Variants in PKHD1 observed in about 807,000 individuals in gnomAD.
PKHD1 encodes fibrocystin.
In PKHD1, 291 loss-of-function variants were observed where a neutral mutation model predicts 412.0. The ratio of observed to expected loss-of-function variants is 0.71; its 90% CI spans 0.64 to 0.78. PKHD1 has a LOEUF of 0.78. PKHD1 is among the 30% of genes least tolerant of loss of function. PKHD1 has a pLI of 0.00. For synonymous variants in PKHD1, 1,777 were observed against 1,821.5 expected, an observed-to-expected ratio of 0.98 and a Z score of 0.62; for missense variants, 4,825 against 4,950.7, an observed-to-expected ratio of 0.97 and a Z score of 0.76.
At chr6:51,981,354 T>G (rs1297126753) in intron 35 of PKHD1, among the ~76,000 whole-genome samples, 1 of 61,410 alleles carries the variant, frequency 1.6e-5, no homozygotes, top group Non-Finnish European at 3.1e-5. Flanking sequence ...TCCCTCTCCC[T>G]CTCCCTCTCC....
At chr6:52,003,175 A>G (rs541485578) in intron 35 of PKHD1, among the ~76,000 whole-genome samples, 1 of 152,302 alleles carries the variant, frequency 6.6e-6, no homozygotes, top group Admixed American at 6.5e-5. Context: ...CCTAAGGGAG[A>G]TATGCATTGA....
intron 60 of PKHD1, among the ~76,000 whole-genome samples, chr6:51,666,908 T>C (rs1325008570): frequency 1.3e-5 from 2 of 152,084 alleles, no homozygotes; most frequent in Non-Finnish European, 2.9e-5. Context: ...TATTCCATGG[T>C]GTATACGTGC....
chr6:51,895,446 T>C (rs760226939), intron 43 of PKHD1, among the ~76,000 whole-genome samples: 2 of 152,252 alleles, frequency 1.3e-5, no homozygotes, highest in Non-Finnish European at 2.9e-5. Flanking sequence ...ATGCTTCCAC[T>C]GACTAAACTT....
chr6:51,753,298 T>C lies in PKHD1; in HGVS notation c.8853A>G (p.Gly2951=). 1.2e-6 allele frequency: 2 copies of C among 1,613,748 alleles called. No individual in the cohort carries two copies. The highest frequency in any genetic ancestry group is 1.7e-6 in the Non-Finnish European group (2 of 1,179,740). ...GRHIRLAAEV[G]LLTRNIQIQP... is the part of the protein sequence containing the mutation. ...GAATTTGTATATTTCGGGTCAACAGTCCAACCTCAGCAGCCAAACGAATGT... is the reference window on the plus strand; with the variant it reads ...GAATTTGTATATTTCGGGTCAACAGCCCAACCTCAGCAGCCAAACGAATGT... The change falls in exon 57 of 67, where the codon GGA becomes GGG. Residue 2951 remains glycine, a synonymous_variant. Transcript: ENST00000371117.
At position 51,618,670 on chromosome 6, in the gene PKHD1, T is replaced by G. The variant is rs1766254314; in HGVS notation, c.*411A>C. Reference sequence around the variant, plus strand: ...TTTCTGTAACAGTGTGGAATTAAACTGTAGCTGACCAGACCTTTTCATGAT... The same window carrying G: ...TTTCTGTAACAGTGTGGAATTAAACGGTAGCTGACCAGACCTTTTCATGAT... On this transcript the variant is annotated 3_prime_UTR_variant, in exon 67 of 67. Transcript: ENST00000371117. The G allele has an allele frequency of 2.0e-5, 6 of 304,144 alleles. No homozygotes were observed. Among genetic ancestry groups the G allele is most frequent in the South Asian group, 1.9e-4 (6 of 31,980 alleles). 18.8% of individuals were successfully genotyped at this position (304,144 alleles called of 1,614,324 possible).
At chr6:51,999,213 G>A (rs1167069112) in intron 35 of PKHD1, among the ~76,000 whole-genome samples, 1 of 152,122 alleles carries the variant, frequency 6.6e-6, no homozygotes, top group Non-Finnish European at 1.5e-5. Context: ...CATACATACA[G>A]TAATACCATT....
intron 60 of PKHD1, among the ~76,000 whole-genome samples, chr6:51,667,890 G>T (rs1323007237): frequency 6.6e-6 from 1 of 151,834 alleles, no homozygotes; most frequent in Non-Finnish European, 1.5e-5. Context: ...GCTCTGTTCT[G>T]TTCCATTGAT....
intron 6 of PKHD1, among the ~76,000 whole-genome samples, chr6:52,075,861 A>G (rs1227608592): frequency 6.6e-6 from 1 of 152,174 alleles, no homozygotes; most frequent in Non-Finnish European, 1.5e-5. Flanking sequence ...TGGGAATAAA[A>G]ATAGCTCTTC....
chr6:51,904,171 G>A, intron 41 of PKHD1, 129 bp from the exon 42 acceptor site: 1 of 694,674 alleles, frequency 1.4e-6, no homozygotes, highest in Non-Finnish European at 2.7e-6. Context: ...TGTAAATCAG[G>A]GAAAGAGATA....
intron 37 of PKHD1, among the ~76,000 whole-genome samples, chr6:51,924,519 A>G (rs1785219491): frequency 6.6e-6 from 1 of 152,206 alleles, no homozygotes; most frequent in Admixed American, 6.5e-5. Context: ...GTGTTTTTAA[A>G]AGATCAACTT....
At chr6:52,011,353 T>C (rs1799796860) in intron 34 of PKHD1, among the ~76,000 whole-genome samples, 1 of 152,240 alleles carries the variant, frequency 6.6e-6, no homozygotes, top group Admixed American at 6.5e-5. Context: ...TGATGTTTCA[T>C]ATTTGTCAAC....
At chr6:51,772,390 C>T (rs957140063) in intron 55 of PKHD1, among the ~76,000 whole-genome samples, 2 of 151,388 alleles carry the variant, frequency 1.3e-5, no homozygotes, top group Non-Finnish European at 2.9e-5. Context: ...AGTATTCTTA[C>T]CTCATACTTC....
Position 52,024,613 on chromosome 6 carries a change from T to A in PKHD1, c.5197A>T (p.Thr1733Ser). Residue 1733 changes from threonine (T) to serine (S), a missense_variant, in exon 32 of 67, where the codon ACC becomes TCC. Coordinates refer to ENST00000371117, the MANE Select transcript of PKHD1 (RefSeq NM_138694.4). ...ACTGCTGTAATAATAACTCTTGAGG[T>A]GAACACCAGGGCAGATGAGGCCCAC... ...RGWASSALVFTSRVIITAVTE... is the reference protein window; with the variant it reads ...RGWASSALVFSSRVIITAVTE... 1.2e-6 allele frequency: 2 copies of A among 1,614,134 alleles called. No homozygotes were observed.
chr6:51,618,104 G>A lies in PKHD1; in HGVS notation c.*977C>T, dbSNP rs1014062374. Reference sequence around the variant, plus strand: ...ATTGCCTTTAACAACCTTACCAAATGTATCAATACCAGGTGAGCCTTTGTT... The same window carrying A: ...ATTGCCTTTAACAACCTTACCAAATATATCAATACCAGGTGAGCCTTTGTT... On this transcript the variant is annotated 3_prime_UTR_variant, in exon 67 of 67. Coordinates refer to ENST00000371117, the MANE Select transcript of PKHD1 (RefSeq NM_138694.4). 1.3e-5 allele frequency: 2 copies of A among 152,314 alleles called. No homozygotes were observed. The highest frequency in any genetic ancestry group is 3.4e-3 in the Middle Eastern group (1 of 294). The allele number at this position is 152,314 out of a possible 1,614,324, so 9.4% of individuals were successfully genotyped here.
At position 51,659,464 on chromosome 6, in the gene PKHD1, T is replaced by A; in HGVS notation, c.10662A>T (p.Glu3554Asp). 6.2e-7 allele frequency: 1 copy of A among 1,613,764 alleles called. No individual in the cohort carries two copies. Residue 3554 changes from glutamate (E) to aspartate (D), a missense_variant, in exon 61 of 67, where the codon GAA (glutamate) becomes GAT (aspartate). Glu to Asp is a conservative substitution (Grantham distance 45). Coordinates refer to ENST00000371117, the MANE Select transcript of PKHD1 (RefSeq NM_138694.4). Reference protein sequence around the residue: ...YVVLQGEEPIEIRSGVSIHLA... With the variant: ...YVVLQGEEPIDIRSGVSIHLA... ...AGTGAATGGAAACACCTGAGCGTAT[T>A]TCAATGGGCTCCTCTCCTTGTAGGA...
intron 37 of PKHD1, among the ~76,000 whole-genome samples, chr6:51,925,795 T>TCTCTCTTTTTATCTCG: frequency 6.6e-6 from 1 of 151,332 alleles, no homozygotes; most frequent in East Asian, 1.9e-4. Flanking sequence ...TCTCCCTTCC[T>TCTCTCTTTTTATCTCG]CTCTCTCTTT....
intron 53 of PKHD1, among the ~76,000 whole-genome samples, chr6:51,783,119 T>C (rs1225640717): frequency 1.3e-5 from 2 of 152,018 alleles, no homozygotes; most frequent in Non-Finnish European, 2.9e-5. Context: ...AAAAACAATA[T>C]GTGACAAGTT....
intron 60 of PKHD1, among the ~76,000 whole-genome samples, chr6:51,690,977 A>T (rs1778087648): frequency 6.6e-6 from 1 of 152,216 alleles, no homozygotes; most frequent in African/African-American, 2.4e-5. Context: ...AAAAAATCCC[A>T]TTAAAAAATG....
At chr6:52,033,215 A>G in intron 28 of PKHD1, 50 bp from the exon 29 acceptor site, 2 of 1,457,232 alleles carry the variant, frequency 1.4e-6, no homozygotes, top group Non-Finnish European at 1.9e-6. Context: ...TTAAAGTAGG[A>G]CTGACTTAAG....
Sources: gnomAD v4.1 joint callset for allele counts (sites outside exome capture counted in the v4.1 genomes callset) on GRCh38, gnomAD v4.1.1 for gene constraint, MANE v1.5 for transcripts, NCBI Gene and HGNC (gene_info 2026-07-23, HGNC 2026-07-21) for gene names.